Variants in HIBADH observed in about 807,000 individuals in gnomAD.
The protein encoded by HIBADH is 3-hydroxyisobutyrate dehydrogenase, also known as 3-hydroxyisobutyrate dehydrogenase, mitochondrial.
Under a neutral mutation model 36.1 loss-of-function variants are expected in HIBADH, and 25 were observed. That is an observed-to-expected ratio of 0.69 (90% CI 0.50 to 0.97). HIBADH has a LOEUF of 0.97. Among genes scored for constraint, HIBADH ranks in the 50% least tolerant of loss-of-function variants. The pLI is 0.00. For missense variants in HIBADH, 421 were observed against 418.0 expected (o/e 1.01, Z -0.06); for synonymous variants, 160 against 149.5 (o/e 1.07, Z -0.51).
intron 4 of HIBADH, among the ~76,000 whole-genome samples, chr7:27,568,135 CTCT>C (rs1490944144): frequency 1.1e-4 from 17 of 152,138 alleles, no homozygotes; most frequent in Non-Finnish European, 1.6e-4. Flanking sequence ...ATTTCTGTTT[CTCT>C]TCTTTCCTGC....
chr7:27,573,676 G>A (rs1035348525), intron 4 of HIBADH, among the ~76,000 whole-genome samples: 2 of 152,168 alleles, frequency 1.3e-5, no homozygotes, highest in Non-Finnish European at 2.9e-5. Context: ...TGTAGCGGCA[G>A]ACTCTCTAAG....
intron 6 of HIBADH, among the ~76,000 whole-genome samples, chr7:27,534,575 T>A (rs948193363): frequency 6.6e-6 from 1 of 152,060 alleles, no homozygotes; most frequent in Admixed American, 6.6e-5. Flanking sequence ...ACCTCCTCCC[T>A]CCTCTCCTTA....
chr7:27,596,921 T>C (rs982343030), intron 4 of HIBADH, among the ~76,000 whole-genome samples: 2 of 152,140 alleles, frequency 1.3e-5, no homozygotes, highest in African/African-American at 2.4e-5. Flanking sequence ...AAAAGATATA[T>C]GAAATTTTAA....
chr7:27,649,733 A>G, intron 1 of HIBADH, 100 bp from the exon 2 acceptor site: 1 of 1,168,522 alleles, frequency 8.6e-7, no homozygotes, highest in African/African-American at 1.6e-5. Context: ...TTTTTTTTTA[A>G]TAAAAGAAAC....
At chr7:27,544,015 A>G (rs1784197579) in intron 4 of HIBADH, among the ~76,000 whole-genome samples, 2 of 152,330 alleles carry the variant, frequency 1.3e-5, no homozygotes, top group Admixed American at 1.3e-4. Context: ...ATCTTGATTC[A>G]TAATTTTCAA....
At chr7:27,576,693 G>C (rs976488481) in intron 4 of HIBADH, among the ~76,000 whole-genome samples, 2 of 152,012 alleles carry the variant, frequency 1.3e-5, no homozygotes, top group Non-Finnish European at 2.9e-5. Flanking sequence ...CCTATACTTA[G>C]CTCCTTAAAG....
At chr7:27,616,810 A>ATTT (rs747138124) in intron 4 of HIBADH, among the ~76,000 whole-genome samples, 79 of 151,242 alleles carry the variant, frequency 5.2e-4, no homozygotes, top group African/African-American at 1.7e-3. Context: ...AAAAAAAAAA[A>ATTT]TTTTTAATTA....
Position 27,553,001 on chromosome 7 carries a change from A to G in HIBADH, c.485-9901T>C, listed in dbSNP as rs372607343. Among the ~76,000 whole-genome samples, 40 of 152,360 alleles carry G rather than the reference A, an allele frequency of 2.6e-4. 1 individual carries two copies. In the South Asian group the frequency reaches 7.9e-3, roughly 30 times the overall value. ...ACATGCATCTATCTCTTTTTTTAGA[A>G]GAGATACCTATATACGATTGTGAAA... On this transcript the variant is annotated intron_variant, in intron 4 of 7. Transcript: ENST00000265395.
chr7:27,655,149 C>T (rs1326683768), intron 1 of HIBADH, among the ~76,000 whole-genome samples: 1 of 152,046 alleles, frequency 6.6e-6, no homozygotes, highest in Non-Finnish European at 1.5e-5. Context: ...GAAGACAGTT[C>T]TCAATTAGTA....
At chr7:27,637,970 A>G (rs1237238675) in intron 2 of HIBADH, among the ~76,000 whole-genome samples, 1 of 152,254 alleles carries the variant, frequency 6.6e-6, no homozygotes, top group African/African-American at 2.4e-5. Context: ...GGATAGGAAT[A>G]ATCAATTTTG....
intron 4 of HIBADH, among the ~76,000 whole-genome samples, chr7:27,596,183 A>C (rs1168265676): frequency 6.6e-6 from 1 of 152,184 alleles, no homozygotes; most frequent in East Asian, 1.9e-4. Context: ...GCCTCCAAGA[A>C]GGCACCTTGA....
At chr7:27,560,874 C>T (rs955385545) in intron 4 of HIBADH, among the ~76,000 whole-genome samples, 4 of 152,156 alleles carry the variant, frequency 2.6e-5, no homozygotes, top group Non-Finnish European at 5.9e-5. Flanking sequence ...TTTGCAGAAC[C>T]ACCAATATCA....
At chr7:27,637,794 AC>A (rs1785868218) in intron 2 of HIBADH, among the ~76,000 whole-genome samples, 1 of 152,282 alleles carries the variant, frequency 6.6e-6, no homozygotes, top group South Asian at 2.1e-4. Flanking sequence ...TATACCAACA[AC>A]AATCAAGCCA....
At chr7:27,538,971 C>A (rs527446639) in intron 5 of HIBADH, among the ~76,000 whole-genome samples, 4 of 152,194 alleles carry the variant, frequency 2.6e-5, no homozygotes, top group Non-Finnish European at 5.9e-5. Flanking sequence ...TATTTAAGAA[C>A]ATGGGATGTT....
intron 4 of HIBADH, among the ~76,000 whole-genome samples, chr7:27,560,326 C>T (rs535820384): frequency 5.9e-5 from 9 of 152,340 alleles, no homozygotes; most frequent in Admixed American, 4.6e-4. Flanking sequence ...GCCATGTTGG[C>T]CAGGCTGGTC....
At chr7:27,662,178 A>G (rs1252423180) in intron 1 of HIBADH, among the ~76,000 whole-genome samples, 1 of 152,182 alleles carries the variant, frequency 6.6e-6, no homozygotes, top group Non-Finnish European at 1.5e-5. Flanking sequence ...CTTTGCTGAA[A>G]GACTTACTGC....
In HIBADH at chr7:27,542,997, C is replaced by G; in HGVS notation, c.588G>C (p.Val196=). Residue 196 remains valine (V), a synonymous_variant, in exon 5 of 8, where the codon GTG becomes GTC. Transcript: ENST00000265395. ...QELLGCMGSN[V]VYCGAVGTGQ... ...CAGTCCCAACAGCTCCACAGTACAC[C>G]ACGTTGGAGCCCATGCACCCCAGCA... 16 of 1,613,682 alleles carry G rather than the reference C, an allele frequency of 9.9e-6. No homozygotes were observed. The highest frequency in any genetic ancestry group is 1.4e-5 in the Non-Finnish European group (16 of 1,179,814).
chr7:27,613,429 T>C (rs979266113), intron 4 of HIBADH, among the ~76,000 whole-genome samples: 5 of 150,976 alleles, frequency 3.3e-5, no homozygotes, highest in Non-Finnish European at 7.4e-5. Flanking sequence ...GAGAATTATA[T>C]GAACTAATTC....
intron 6 of HIBADH, among the ~76,000 whole-genome samples, chr7:27,533,947 A>G (rs1184908857): frequency 6.6e-6 from 1 of 152,200 alleles, no homozygotes; most frequent in Non-Finnish European, 1.5e-5. Context: ...GTCAGTCCCC[A>G]TAATAACTTG....
Sources: gnomAD v4.1 joint callset for allele counts (sites outside exome capture counted in the v4.1 genomes callset) on GRCh38, gnomAD v4.1.1 for gene constraint, MANE v1.5 for transcripts, NCBI Gene and HGNC (gene_info 2026-07-23, HGNC 2026-07-21) for gene names.